TMEM232: variants seen among roughly 807,000 people sequenced by gnomAD.
TMEM232 encodes the protein transmembrane protein 232.
In TMEM232, 80 loss-of-function variants were observed where a neutral mutation model predicts 78.8. That is an observed-to-expected ratio of 1.01 (90% CI 0.85 to 1.22). The LOEUF (loss-of-function observed/expected upper bound fraction) is 1.22. TMEM232 is among the 50% of genes most tolerant of loss of function. The probability of loss-of-function intolerance (pLI) is 0.00; values close to 1 mark genes in which losing one functional copy is unlikely to be tolerated. For missense variants in TMEM232, 881 were observed against 742.2 expected (o/e 1.19, Z -2.17); for synonymous variants, 297 against 254.3 (o/e 1.17, Z -1.60).
intron 12 of TMEM232, among the ~76,000 whole-genome samples, chr5:110,508,066 C>T (rs147673938): frequency 3.3e-5 from 5 of 152,102 alleles, no homozygotes; most frequent in East Asian, 1.9e-4. Flanking sequence ...AAAATTTCCA[C>T]GCTTAAGATA....
intron 1 of TMEM232, among the ~76,000 whole-genome samples, chr5:110,722,083 C>T (rs1797706532): frequency 6.6e-6 from 1 of 151,808 alleles, no homozygotes; most frequent in African/African-American, 2.4e-5. Context: ...TGGGAGGCTG[C>T]AGAAGATAGA....
At chr5:110,582,821 G>A (rs1186895084) in intron 10 of TMEM232, among the ~76,000 whole-genome samples, 1 of 151,896 alleles carries the variant, frequency 6.6e-6, no homozygotes, top group African/African-American at 2.4e-5. Flanking sequence ...TAGTAAACTT[G>A]AATGGTACAA....
upstream of TMEM232, chr5:110,738,262 TC>T (rs1261210211): frequency 7.8e-7 from 1 of 1,282,612 alleles, no homozygotes; most frequent in Non-Finnish European, 1.0e-6. Flanking sequence ...TAGGGGACGC[TC>T]TACAGTAGTC....
chr5:110,481,372 A>C (rs1763841292), intron 12 of TMEM232, among the ~76,000 whole-genome samples: 1 of 152,182 alleles, frequency 6.6e-6, no homozygotes, highest in South Asian at 2.1e-4. Flanking sequence ...TTGAAGAGCT[A>C]AATATCTTCC....
chr5:110,424,960 C>T lies in TMEM232; in HGVS notation c.1704-44G>A, dbSNP rs1447300101. ...ACAAATCCAACATTAGGTATAGGTACTCCTATTCCCCAGAAATAGAATTGT... is the reference window on the plus strand; with the variant it reads ...ACAAATCCAACATTAGGTATAGGTATTCCTATTCCCCAGAAATAGAATTGT... On this transcript the variant is annotated intron_variant, in intron 12 of 13. Transcript: ENST00000455884. 9.3e-6 allele frequency: 12 copies of T among 1,291,382 alleles called. No individual in the cohort carries two copies. In the Admixed American group the frequency reaches 2.0e-4, roughly 22 times the overall value. 80.0% of individuals were successfully genotyped at this position (1,291,382 alleles called of 1,614,324 possible).
chr5:110,550,353 A>G (rs971547839), intron 11 of TMEM232, among the ~76,000 whole-genome samples: 6 of 152,166 alleles, frequency 3.9e-5, no homozygotes, highest in South Asian at 2.1e-4. Context: ...GCTGTCCCTT[A>G]TGAGACTCAC....
intron 11 of TMEM232, among the ~76,000 whole-genome samples, chr5:110,531,642 C>T (rs1225597702): frequency 1.3e-5 from 2 of 152,120 alleles, no homozygotes; most frequent in African/African-American, 2.4e-5. Context: ...TCCTTTTAGC[C>T]CTCCCCCACC....
At chr5:110,592,952 G>C (rs1779705813) in intron 10 of TMEM232, among the ~76,000 whole-genome samples, 1 of 152,090 alleles carries the variant, frequency 6.6e-6, no homozygotes, top group African/African-American at 2.4e-5. Flanking sequence ...TGAAACTGTT[G>C]CTCACCATAC....
At chr5:110,408,264 G>T (rs1427738507) in intron 2 of TMEM232, among the ~76,000 whole-genome samples, 1 of 151,972 alleles carries the variant, frequency 6.6e-6, no homozygotes, top group Non-Finnish European at 1.5e-5. Context: ...TAATAATAAA[G>T]ATCAGAGCAG....
chr5:110,665,908 A>C lies in TMEM232; in HGVS notation c.125+1320T>G, dbSNP rs936452689. Among the ~76,000 whole-genome samples the C allele has an allele frequency of 5.9e-5, 9 of 151,706 alleles. No individual in the cohort carries two copies. In the South Asian group the frequency reaches 6.2e-4, roughly 11 times the overall value. On this transcript the variant is annotated intron_variant, in intron 2 of 13. Coordinates refer to ENST00000455884, the MANE Select transcript of TMEM232 (RefSeq NM_001039763.4). ...CATCTCCACAAAAAAAAAAAAAAAA[A>C]AAAACTAAAAATTAGCCAGGCATAC... is the stretch of plus-strand genomic sequence containing the variant.
At chr5:110,557,121 G>A (rs764902320) in intron 11 of TMEM232, among the ~76,000 whole-genome samples, 10 of 151,944 alleles carry the variant, frequency 6.6e-5, no homozygotes, top group Non-Finnish European at 1.0e-4. Context: ...TGAAGAACTC[G>A]TCTTTGAGCT....
At chr5:110,727,326 C>T (rs907244042), upstream of TMEM232, among the ~76,000 whole-genome samples, 6 of 152,076 alleles carry the variant, frequency 3.9e-5, no homozygotes, top group East Asian at 7.7e-4. Flanking sequence ...TAAATTCATA[C>T]GTAGGCCGGG....
At chr5:110,440,567 AT>A (rs1415625644) in intron 12 of TMEM232, among the ~76,000 whole-genome samples, 1 of 152,162 alleles carries the variant, frequency 6.6e-6, no homozygotes, top group African/African-American at 2.4e-5. Context: ...GCAGACATAT[AT>A]TCAAGTATCA....
chr5:110,411,832 C>A (rs1756006471), intron 2 of TMEM232, among the ~76,000 whole-genome samples: 1 of 152,092 alleles, frequency 6.6e-6, no homozygotes, highest in Admixed American at 6.5e-5. Flanking sequence ...TCTATTCATC[C>A]ACTGAGGGAC....
intron 12 of TMEM232, among the ~76,000 whole-genome samples, chr5:110,435,387 GAGA>G (rs1758311425): frequency 6.6e-6 from 1 of 151,606 alleles, no homozygotes; most frequent in Admixed American, 6.6e-5. Context: ...TATGGTACAT[GAGA>G]TATTTTGGTA....
chr5:110,414,530 A>C (rs1190721985), downstream of TMEM232, among the ~76,000 whole-genome samples: 1 of 152,168 alleles, frequency 6.6e-6, no homozygotes, highest in Non-Finnish European at 1.5e-5. Context: ...ATAAAGAGAA[A>C]ATTTAGTTTC....
intron 12 of TMEM232, among the ~76,000 whole-genome samples, chr5:110,483,244 T>A (rs1251325575): frequency 6.6e-6 from 1 of 152,102 alleles, no homozygotes; most frequent in Non-Finnish European, 1.5e-5. Context: ...CAATAAGAAC[T>A]AATTTTTTAT....
At chr5:110,448,890 A>T (rs143338400) in intron 12 of TMEM232, among the ~76,000 whole-genome samples, 1 of 152,134 alleles carries the variant, frequency 6.6e-6, no homozygotes, top group African/African-American at 2.4e-5. Flanking sequence ...TAGAGAAAAT[A>T]CACAGTAAAA....
chr5:110,428,477 G>A (rs891872256), intron 12 of TMEM232, among the ~76,000 whole-genome samples: 1 of 151,610 alleles, frequency 6.6e-6, no homozygotes, highest in Non-Finnish European at 1.5e-5. Context: ...TATCCTCAAG[G>A]AAGATAGCCA....
Sources: allele counts gnomAD v4.1 joint callset (sites outside exome capture counted in the v4.1 genomes callset), GRCh38; gene constraint gnomAD v4.1.1; transcripts MANE v1.5; gene names NCBI Gene and HGNC (gene_info 2026-07-23, HGNC 2026-07-21).